SNX29: variants seen among roughly 807,000 people sequenced by gnomAD.
The protein encoded by SNX29 is sorting nexin-29.
SNX29 carries 78 observed loss-of-function variants against 102.1 expected under a neutral mutation model. That is an observed-to-expected ratio of 0.76 (90% confidence interval 0.64 to 0.92). SNX29 has a LOEUF of 0.92. Among genes scored for constraint, SNX29 ranks in the 40% least tolerant of loss-of-function variants. The pLI, the probability that SNX29 is intolerant of heterozygous loss-of-function variation, is 0.00. For missense variants in SNX29, 1,280 were observed against 1,061.7 expected (o/e 1.21, Z -2.86); for synonymous variants, 580 against 414.5 (o/e 1.40, Z -4.85).
intron 13 of SNX29, among the ~76,000 whole-genome samples, chr16:12,131,183 G>C (rs921897327): frequency 3.9e-5 from 6 of 152,232 alleles, no homozygotes; most frequent in Admixed American, 1.3e-4. Context: ...CTGGGTCTCT[G>C]ATAATGCCAG....
intron 14 of SNX29, among the ~76,000 whole-genome samples, chr16:12,214,760 T>C (rs1351496098): frequency 6.6e-6 from 1 of 152,218 alleles, no homozygotes; most frequent in Non-Finnish European, 1.5e-5. Flanking sequence ...CCCTGATGCC[T>C]GGCACACCAC....
At chr16:12,101,208 G>A (rs748467664) in intron 11 of SNX29, among the ~76,000 whole-genome samples, 14 of 152,030 alleles carry the variant, frequency 9.2e-5, no homozygotes, top group Non-Finnish European at 2.1e-4. Flanking sequence ...TGGGCTGAAG[G>A]GAGCAGCCTA....
intron 13 of SNX29, among the ~76,000 whole-genome samples, chr16:12,140,649 G>C (rs2054836866): frequency 6.6e-6 from 1 of 152,092 alleles, no homozygotes; most frequent in Non-Finnish European, 1.5e-5. Context: ...TGTCACTCTT[G>C]TGCCAGCTGT....
intron 15 of SNX29, among the ~76,000 whole-genome samples, chr16:12,305,452 C>T (rs1405725920): frequency 6.6e-6 from 1 of 152,216 alleles, no homozygotes; most frequent in African/African-American, 2.4e-5. Context: ...GTGACACTGG[C>T]AGGTCCCTTC....
chr16:12,252,051 C>T (rs1043134045), intron 14 of SNX29, among the ~76,000 whole-genome samples: 22 of 152,158 alleles, frequency 1.4e-4, no homozygotes, highest in African/African-American at 5.1e-4. Context: ...TGAGCCACCA[C>T]GCCTGGGTCC....
chr16:12,540,133 A>T (rs773397218), intron 20 of SNX29, among the ~76,000 whole-genome samples: 1 of 152,148 alleles, frequency 6.6e-6, no homozygotes, highest in Non-Finnish European at 1.5e-5. Flanking sequence ...GGTTTTCCTC[A>T]AAGTTTTATA....
chr16:12,488,656 C>T (rs1025011537), intron 19 of SNX29, among the ~76,000 whole-genome samples: 1 of 152,164 alleles, frequency 6.6e-6, no homozygotes, highest in Non-Finnish European at 1.5e-5. Context: ...CCTTCACTTC[C>T]AGGACACTGT....
intron 15 of SNX29, among the ~76,000 whole-genome samples, chr16:12,292,772 A>G (rs1368555471): frequency 1.3e-5 from 2 of 152,182 alleles, no homozygotes; most frequent in African/African-American, 4.8e-5. Context: ...TGTTTGTTTA[A>G]TTTGAAGGAT....
chr16:12,534,429 C>A (rs8057488), intron 20 of SNX29, among the ~76,000 whole-genome samples: 1 of 152,072 alleles, frequency 6.6e-6, no homozygotes, highest in Non-Finnish European at 1.5e-5. Flanking sequence ...CGGCTGCACT[C>A]GGTTGCCTGT....
rs1555530421 is a variant in SNX29, at chr16:12,408,157, C to CAAAAAAAAAA, written c.2037+4635_2037+4636insAAAAAAAAAA. Among the ~76,000 whole-genome samples, 92 of 142,886 alleles carry CAAAAAAAAAA rather than the reference C, an allele frequency of 6.4e-4. 2 individuals are homozygous for CAAAAAAAAAA. The highest frequency in any genetic ancestry group is 1.4e-3 in the African/African-American group (49 of 36,086). 93.7% of individuals were successfully genotyped at this position (142,886 alleles called of 152,430 possible). A position where few individuals can be genotyped will look rare whatever the true frequency, so the allele number is the denominator to read the frequency against. On this transcript the variant is annotated intron_variant, in intron 18 of 20. Coordinates refer to ENST00000566228, the MANE Select transcript of SNX29 (RefSeq NM_032167.5). ...CTGGGTGGCAGAGCAGGACCCTTCT[C>CAAAAAAAAAA]AAAAAAACAAACAAACAAACAAAAA...
At chr16:12,561,350 G>A (rs1361080471) in intron 20 of SNX29, among the ~76,000 whole-genome samples, 2 of 152,118 alleles carry the variant, frequency 1.3e-5, no homozygotes, top group Admixed American at 6.5e-5. Context: ...GAGACTCACA[G>A]ACTTATGAGG....
At position 12,436,938 on chromosome 16, in the gene SNX29, C is replaced by T. The variant is rs145452502; in HGVS notation, c.2037+33409C>T. On this transcript the variant is annotated intron_variant, in intron 18 of 20. Coordinates refer to ENST00000566228, the MANE Select transcript of SNX29 (RefSeq NM_032167.5). The stretch of plus-strand genomic sequence containing the variant: ...AAAGTGCTGGGATTACAGGCATGAG[C>T]CACCACGCCCGGCCTCTTTCCTTGT... Among the ~76,000 whole-genome samples, 766 of 152,360 alleles carry T rather than the reference C, an allele frequency of 5.0e-3. 18 individuals carry two copies. The highest frequency in any genetic ancestry group is 0.038 in the Admixed American group (589 of 15,310).
chr16:12,436,363 G>A (rs2085538319), intron 18 of SNX29, among the ~76,000 whole-genome samples: 3 of 152,212 alleles, frequency 2.0e-5, no homozygotes, highest in Admixed American at 2.0e-4. Context: ...TTAGTACCAG[G>A]AGACAGCGAC....
chr16:12,089,966 C>A, intron 11 of SNX29: 1 of 227,968 alleles, frequency 4.4e-6, no homozygotes, highest in Non-Finnish European at 9.2e-6. Flanking sequence ...AGTCCTGTCA[C>A]TGCCCTAAGC....
At chr16:12,048,291 G>T in intron 6 of SNX29, 81 bp from the exon 7 acceptor site, 2 of 1,596,284 alleles carry the variant, frequency 1.3e-6, no homozygotes, top group South Asian at 1.1e-5. Context: ...TCTGTACTCT[G>T]TTGTCTGCAG....
intron 16 of SNX29, among the ~76,000 whole-genome samples, chr16:12,357,179 G>A (rs993323503): frequency 6.6e-6 from 1 of 152,216 alleles, no homozygotes; most frequent in African/African-American, 2.4e-5. Flanking sequence ...CAGGCAGGCT[G>A]TGTAATGCAC....
At chr16:12,119,021 C>T (rs2053862486) in intron 11 of SNX29, among the ~76,000 whole-genome samples, 1 of 152,218 alleles carries the variant, frequency 6.6e-6, no homozygotes, top group African/African-American at 2.4e-5. Context: ...AGAACTCATA[C>T]TTTAGGACAT....
chr16:12,460,739 C>T (rs986602682), intron 18 of SNX29, among the ~76,000 whole-genome samples: 6 of 150,608 alleles, frequency 4.0e-5, no homozygotes, highest in African/African-American at 1.5e-4. Context: ...CTCAATGCAA[C>T]CTCCGCCTCC....
intron 1 of SNX29, among the ~76,000 whole-genome samples, chr16:11,997,241 C>A (rs2056108357): frequency 6.6e-6 from 1 of 152,200 alleles, no homozygotes; most frequent in East Asian, 1.9e-4. Flanking sequence ...GCTTGTCCTA[C>A]CTCCGAGCCT....
Sources: allele counts gnomAD v4.1 joint callset (sites outside exome capture counted in the v4.1 genomes callset), GRCh38; gene constraint gnomAD v4.1.1; transcripts MANE v1.5; gene names NCBI Gene and HGNC (gene_info 2026-07-23, HGNC 2026-07-21).